CNTNAP2: variants seen among roughly 807,000 people sequenced by gnomAD.
The protein encoded by CNTNAP2 is contactin associated protein 2, also known as contactin-associated protein-like 2.
CNTNAP2 carries 98 observed loss-of-function variants against 155.2 expected under a neutral mutation model. That is an observed-to-expected ratio of 0.63 (90% confidence interval 0.54 to 0.75). CNTNAP2 has a LOEUF of 0.75. Among genes scored for constraint, CNTNAP2 ranks in the 30% least tolerant of loss-of-function variants. CNTNAP2 has a pLI of 0.00. For synonymous variants in CNTNAP2, 651 were observed against 631.2 expected (o/e 1.03, Z -0.47); for missense variants, 1,727 against 1,688.1 (o/e 1.02, Z -0.40).
intron 1 of CNTNAP2, among the ~76,000 whole-genome samples, chr7:146,651,388 A>AG (rs1411042867): frequency 6.6e-6 from 1 of 152,176 alleles, no homozygotes; most frequent in Admixed American, 6.5e-5. Flanking sequence ...GTTAGTAATT[A>AG]GGACAACCTA....
At chr7:147,003,944 A>G (rs1218441951) in intron 3 of CNTNAP2, among the ~76,000 whole-genome samples, 1 of 152,048 alleles carries the variant, frequency 6.6e-6, no homozygotes, top group Non-Finnish European at 1.5e-5. Context: ...AGGCAGAAAG[A>G]TTCCTTAAGC....
chr7:147,307,441 G>A (rs1182147832), intron 9 of CNTNAP2, among the ~76,000 whole-genome samples: 3 of 132,346 alleles, frequency 2.3e-5, no homozygotes, highest in African/African-American at 6.6e-5. Context: ...AATTAGCCAG[G>A]CATGGTGGCA....
chr7:146,824,074 C>A (rs1803351842), intron 2 of CNTNAP2, among the ~76,000 whole-genome samples: 1 of 152,098 alleles, frequency 6.6e-6, no homozygotes, highest in Non-Finnish European at 1.5e-5. Context: ...GTGTGATGTT[C>A]CCCTTCCTGT....
chr7:147,318,151 T>C (rs1438387388), intron 9 of CNTNAP2, among the ~76,000 whole-genome samples: 2 of 152,092 alleles, frequency 1.3e-5, no homozygotes, highest in East Asian at 3.9e-4. Context: ...CATATAAAAA[T>C]GTAAAGTTCG....
At chr7:148,406,134 A>C (rs1333407100) in intron 22 of CNTNAP2, among the ~76,000 whole-genome samples, 1 of 151,936 alleles carries the variant, frequency 6.6e-6, no homozygotes, top group Non-Finnish European at 1.5e-5. Context: ...CGGGAGGCTG[A>C]GGCAGGAGAA....
At chr7:146,566,983 A>G (rs1358140452) in intron 1 of CNTNAP2, among the ~76,000 whole-genome samples, 1 of 152,142 alleles carries the variant, frequency 6.6e-6, no homozygotes, top group Non-Finnish European at 1.5e-5. Context: ...TTCTACTTTC[A>G]TAGCAACTGA....
At chr7:148,195,625 C>T (rs1165996619) in intron 18 of CNTNAP2, among the ~76,000 whole-genome samples, 1 of 152,104 alleles carries the variant, frequency 6.6e-6, no homozygotes, top group African/African-American at 2.4e-5. Flanking sequence ...TCTACCTATG[C>T]TTTGATGCTT....
At chr7:148,360,577 TAAGATTTTA>T in intron 21 of CNTNAP2, among the ~76,000 whole-genome samples, 1 of 152,284 alleles carries the variant, frequency 6.6e-6, no homozygotes, top group East Asian at 1.9e-4. Flanking sequence ...CTTAAAAGTG[TAAGATTTTA>T]AAGTGGTATA....
intron 1 of CNTNAP2, among the ~76,000 whole-genome samples, chr7:146,593,033 T>A (rs1798806406): frequency 6.6e-6 from 1 of 152,026 alleles, no homozygotes; most frequent in African/African-American, 2.4e-5. Flanking sequence ...TGCTGTCAGG[T>A]ACATCTCTCA....
chr7:146,387,114 C>A (rs1317454561), intron 1 of CNTNAP2, among the ~76,000 whole-genome samples: 3 of 152,172 alleles, frequency 2.0e-5, no homozygotes, highest in African/African-American at 7.2e-5. Context: ...AGGAAAACAT[C>A]TTTGAAGCTG....
At chr7:148,211,361 G>C (rs777628629) in intron 18 of CNTNAP2, among the ~76,000 whole-genome samples, 2 of 152,206 alleles carry the variant, frequency 1.3e-5, no homozygotes, top group Non-Finnish European at 2.9e-5. Context: ...TTTATTTACA[G>C]CAGAAGGTAA....
intron 8 of CNTNAP2, among the ~76,000 whole-genome samples, chr7:147,278,666 T>G (rs915942666): frequency 6.6e-6 from 1 of 151,582 alleles, no homozygotes; most frequent in Non-Finnish European, 1.5e-5. Context: ...CTGAATAAAG[T>G]TTTTTATAAG....
intron 3 of CNTNAP2, among the ~76,000 whole-genome samples, chr7:146,988,451 A>G (rs1220476854): frequency 2.6e-5 from 4 of 152,134 alleles, no homozygotes; most frequent in Non-Finnish European, 5.9e-5. Context: ...ATCACTTCCA[A>G]AAATCTGTTT....
At chr7:147,764,813 A>G (rs898051217) in intron 13 of CNTNAP2, among the ~76,000 whole-genome samples, 3 of 152,198 alleles carry the variant, frequency 2.0e-5, no homozygotes, top group Non-Finnish European at 2.9e-5. Context: ...AAGTCATCAT[A>G]TCTCTGCTTG....
chr7:146,306,999 A>G (rs1042736506), intron 1 of CNTNAP2, among the ~76,000 whole-genome samples: 1 of 152,174 alleles, frequency 6.6e-6, no homozygotes, highest in African/African-American at 2.4e-5. Flanking sequence ...GGCAAGAGAA[A>G]GAAATAAAGG....
intron 1 of CNTNAP2, among the ~76,000 whole-genome samples, chr7:146,254,753 C>T (rs1333344723): frequency 6.6e-6 from 1 of 151,726 alleles, no homozygotes; most frequent in African/African-American, 2.4e-5. Context: ...AAAAATGGAT[C>T]CAGCAAATAT....
At chr7:148,240,269 G>T (rs1045975706) in intron 20 of CNTNAP2, among the ~76,000 whole-genome samples, 3 of 152,156 alleles carry the variant, frequency 2.0e-5, no homozygotes, top group Non-Finnish European at 4.4e-5. Context: ...ACAACTCAAG[G>T]AGTTTATATT....
chr7:147,902,788 GTGTGTGTGTGTGTGTGTGTGTGTGTA>G lies in CNTNAP2; in HGVS notation c.2099-751_2099-726del, dbSNP rs1225808406. Among the ~76,000 whole-genome samples the G allele has an allele frequency of 6.7e-3, 889 of 132,462 alleles. 6 individuals carry two copies. The highest frequency in any genetic ancestry group is 0.022 in the African/African-American group (772 of 35,824). 86.9% of individuals were successfully genotyped at this position (132,462 alleles called of 152,430 possible). On this transcript the variant is annotated intron_variant, in intron 13 of 23. Transcript: ENST00000361727. ...TTCCATCATATATGTTTGTGTGTGT[GTGTGTGTGTGTGTGTGTGTGTGTGTA>G]TGTGTGTGTGTGTGTGTGTGTGTGT...
chr7:146,395,779 T>TAGATGATAGAGAGATAGATAGATAGATA (rs11462122), intron 1 of CNTNAP2, among the ~76,000 whole-genome samples: 102 of 122,088 alleles, frequency 8.4e-4, no homozygotes, highest in East Asian at 2.2e-3. Context: ...GATAGACAGA[T>TAGATGATAGAGAGATAGATAGATAGATA]GATAGATAGA....
Sources: allele counts gnomAD v4.1 joint callset (sites outside exome capture counted in the v4.1 genomes callset), GRCh38; gene constraint gnomAD v4.1.1; transcripts MANE v1.5; gene names NCBI Gene and HGNC (gene_info 2026-07-23, HGNC 2026-07-21).